The following ROR1 variants were observed in gnomAD, a reference collection of about 807,000 sequenced individuals.
ROR1 encodes inactive tyrosine-protein kinase transmembrane receptor ROR1.
ROR1 carries 19 observed loss-of-function variants against 78.8 expected under a neutral mutation model. The observed-to-expected ratio is 0.24, with a 90% CI of 0.17 to 0.35. ROR1 has a LOEUF of 0.35. Ranked by LOEUF, ROR1 falls within the 10% of genes least tolerant of loss-of-function variation. The pLI is 1.00. For missense variants in ROR1, 917 were observed against 1,177.8 expected, an observed-to-expected ratio of 0.78 and a Z score of 3.24; for synonymous variants, 386 against 433.6, an observed-to-expected ratio of 0.89 and a Z score of 1.36.
chr1:64,143,931 G>A (rs552927473), intron 7 of ROR1, among the ~76,000 whole-genome samples: 1 of 152,300 alleles, frequency 6.6e-6, no homozygotes, highest in South Asian at 2.1e-4. Context: ...GGCTCACCTG[G>A]GCTGCTGGGT....
chr1:63,795,520 C>T (rs1415167422), intron 1 of ROR1, among the ~76,000 whole-genome samples: 1 of 152,172 alleles, frequency 6.6e-6, no homozygotes, highest in Non-Finnish European at 1.5e-5. Context: ...TGTGGACCTG[C>T]CGTGTGCTTG....
intron 1 of ROR1, among the ~76,000 whole-genome samples, chr1:63,779,826 C>A (rs536944520): frequency 6.6e-6 from 1 of 152,012 alleles, no homozygotes. Flanking sequence ...CCCAGCCACA[C>A]CCCCCAGAAC....
At chr1:63,894,328 A>G (rs1645422879) in intron 1 of ROR1, among the ~76,000 whole-genome samples, 1 of 152,208 alleles carries the variant, frequency 6.6e-6, no homozygotes, top group Non-Finnish European at 1.5e-5. Flanking sequence ...TACCTTGGGT[A>G]ACTAAAACCA....
intron 1 of ROR1, among the ~76,000 whole-genome samples, chr1:63,981,540 G>A (rs1243115702): frequency 3.3e-5 from 5 of 152,140 alleles, no homozygotes; most frequent in Admixed American, 2.0e-4. Flanking sequence ...ATCCCCTCAG[G>A]TAAGAAGGGA....
At chr1:63,955,739 T>G (rs549670696) in intron 1 of ROR1, among the ~76,000 whole-genome samples, 30 of 152,300 alleles carry the variant, frequency 2.0e-4, no homozygotes, top group Non-Finnish European at 3.2e-4. Context: ...GGGAATGGCA[T>G]GGCCTTCCAG....
At position 64,127,401 on chromosome 1, in the gene ROR1, A is replaced by ATC. The variant is rs1648746715; in HGVS notation, c.483-9958_483-9957dup. Reference sequence around the variant, plus strand: ...CAAGGTAGGCGTATAGTAAGCTTTCATCTCTCTCTCTTTCTCTGTCTCTCT... The same window carrying ATC: ...CAAGGTAGGCGTATAGTAAGCTTTCATCTCTCTCTCTCTTTCTCTGTCTCTCT... On this transcript the variant is annotated intron_variant, in intron 4 of 8. Coordinates refer to ENST00000371079, the MANE Select transcript of ROR1 (RefSeq NM_005012.4). 5.3e-5 allele frequency among the ~76,000 whole-genome samples: 8 copies of ATC among 151,560 alleles called. No homozygotes were observed. The South Asian group carries it at 1.5e-3, about 28-fold the overall frequency.
intron 4 of ROR1, among the ~76,000 whole-genome samples, chr1:64,117,412 G>A (rs1196058342): frequency 6.6e-6 from 1 of 151,998 alleles, no homozygotes; most frequent in Non-Finnish European, 1.5e-5. Flanking sequence ...TTTGGCTTGG[G>A]TTAAGAAAAA....
At chr1:64,146,025 G>A (rs903078443) in intron 7 of ROR1, among the ~76,000 whole-genome samples, 1 of 152,188 alleles carries the variant, frequency 6.6e-6, no homozygotes, top group Non-Finnish European at 1.5e-5. Context: ...CAAATGAACT[G>A]GTTTGTTTTG....
At chr1:63,934,058 G>T (rs533524203) in intron 1 of ROR1, among the ~76,000 whole-genome samples, 1 of 152,300 alleles carries the variant, frequency 6.6e-6, no homozygotes, top group East Asian at 1.9e-4. Context: ...TTCAGTTTGG[G>T]TTGTTGGTGG....
At chr1:63,886,571 C>T (rs1402610755) in intron 1 of ROR1, among the ~76,000 whole-genome samples, 4 of 152,124 alleles carry the variant, frequency 2.6e-5, no homozygotes, top group Non-Finnish European at 4.4e-5. Flanking sequence ...CTTAGCTGAT[C>T]ACCCAATCTC....
At position 63,940,305 on chromosome 1, in the gene ROR1, C is replaced by G. The variant is rs146925323; in HGVS notation, c.92-69000C>G. On this transcript the variant is annotated intron_variant, in intron 1 of 8. Transcript: ENST00000371079. ...GTACCAGAAAGTATACAAACATGAT[C>G]AGTGATGTCAAGAAGACAGAGAGAA... Among the ~76,000 whole-genome samples, 326 of 152,184 alleles carry G rather than the reference C, an allele frequency of 2.1e-3. 1 individual carries two copies. The highest frequency in any genetic ancestry group is 7.5e-3 in the African/African-American group (311 of 41,504).
intron 7 of ROR1, among the ~76,000 whole-genome samples, chr1:64,154,503 A>C (rs1412275881): frequency 6.6e-6 from 1 of 152,232 alleles, no homozygotes; most frequent in Non-Finnish European, 1.5e-5. Context: ...TTTAACTCAA[A>C]GTAATATCCC....
At chr1:63,991,556 A>G (rs1223395442) in intron 1 of ROR1, among the ~76,000 whole-genome samples, 1 of 152,158 alleles carries the variant, frequency 6.6e-6, no homozygotes, top group African/African-American at 2.4e-5. Context: ...GGCGTAGAAA[A>G]ATAACCAATT....
At chr1:64,153,181 T>A (rs1649675586) in intron 7 of ROR1, among the ~76,000 whole-genome samples, 1 of 152,082 alleles carries the variant, frequency 6.6e-6, no homozygotes, top group Non-Finnish European at 1.5e-5. Flanking sequence ...ATGTTCAATA[T>A]CACTAATAAT....
At chr1:64,053,129 T>A (rs991010393) in intron 4 of ROR1, among the ~76,000 whole-genome samples, 3 of 152,198 alleles carry the variant, frequency 2.0e-5, no homozygotes, top group Middle Eastern at 3.2e-3. Flanking sequence ...AAAAGAGGAA[T>A]GAAATACAGT....
intron 1 of ROR1, among the ~76,000 whole-genome samples, chr1:63,790,867 T>C (rs1644722063): frequency 6.6e-6 from 1 of 152,176 alleles, no homozygotes; most frequent in Non-Finnish European, 1.5e-5. Flanking sequence ...GTTCTCAGTT[T>C]TGAACCTGCA....
intron 1 of ROR1, among the ~76,000 whole-genome samples, chr1:63,895,807 A>C (rs972505269): frequency 5.3e-5 from 8 of 152,110 alleles, no homozygotes; most frequent in African/African-American, 1.9e-4. Flanking sequence ...TTTCGTCTTG[A>C]TTCTAGGTGC....
intron 4 of ROR1, chr1:64,113,828 C>T (rs1648212134): frequency 6.6e-6 from 1 of 151,472 alleles, no homozygotes; most frequent in Admixed American, 6.6e-5. Flanking sequence ...AAAAAGAAAG[C>T]ATAAAGTTTA....
chr1:63,995,447 A>T (rs1646329233), intron 1 of ROR1, among the ~76,000 whole-genome samples: 1 of 152,198 alleles, frequency 6.6e-6, no homozygotes, highest in Non-Finnish European at 1.5e-5. Context: ...TGACTCTAAT[A>T]GGCAGTTCTC....
Sources: gnomAD v4.1 joint callset for allele counts (sites outside exome capture counted in the v4.1 genomes callset) on GRCh38, gnomAD v4.1.1 for gene constraint, MANE v1.5 for transcripts, NCBI Gene and HGNC (gene_info 2026-07-23, HGNC 2026-07-21) for gene names.